Variants in IGF1R observed in about 807,000 individuals in gnomAD.
The protein encoded by IGF1R is insulin like growth factor 1 receptor, also known as insulin-like growth factor 1 receptor.
Under a neutral mutation model 144.6 loss-of-function variants are expected in IGF1R, and 44 were observed. The observed-to-expected ratio is 0.30, with a 90% CI of 0.24 to 0.39. The LOEUF is 0.39. IGF1R is among the 10% of genes least tolerant of loss of function. The pLI, the probability that IGF1R is intolerant of heterozygous loss-of-function variation, is 1.00. For synonymous variants in IGF1R, 795 were observed against 722.8 expected (o/e 1.10, Z -1.60); for missense variants, 1,355 against 1,833.7 (o/e 0.74, Z 4.77).
chr15:98,941,111 G>A (rs891510788), intron 18 of IGF1R, among the ~76,000 whole-genome samples: 13 of 152,340 alleles, frequency 8.5e-5, no homozygotes, highest in South Asian at 6.2e-4. Context: ...CAGTTCTGCC[G>A]CTAATGGGTG....
In IGF1R at chr15:98,650,051, C is replaced by A. The variant is rs543534607; in HGVS notation, c.94+376C>A. ...ACCTCGCCCCTTCCATGCGCAAGAGCCTCTCCGCACACAGCGCTGATCCCC... is the reference window on the plus strand; with the variant it reads ...ACCTCGCCCCTTCCATGCGCAAGAGACTCTCCGCACACAGCGCTGATCCCC... On this transcript the variant is annotated intron_variant, in intron 1 of 20. Coordinates refer to ENST00000650285, the MANE Select transcript of IGF1R (RefSeq NM_000875.5). Among the ~76,000 whole-genome samples the A allele has an allele frequency of 1.3e-3, 197 of 151,512 alleles. 2 individuals carry two copies. The highest frequency in any genetic ancestry group is 6.9e-3 in the Middle Eastern group (2 of 290).
chr15:98,924,425 G>C (rs1486429448), intron 12 of IGF1R, 100 bp from the exon 13 acceptor site: 24 of 1,093,582 alleles, frequency 2.2e-5, no homozygotes, highest in Non-Finnish European at 3.4e-5. Context: ...TGGGAGGTCA[G>C]ATCAGGCAGC....
At chr15:98,769,716 C>T (rs1016912909) in intron 2 of IGF1R, among the ~76,000 whole-genome samples, 11 of 152,180 alleles carry the variant, frequency 7.2e-5, no homozygotes, top group African/African-American at 2.2e-4. Flanking sequence ...TCGACAGTTC[C>T]GTTGTACATT....
intron 2 of IGF1R, among the ~76,000 whole-genome samples, chr15:98,713,645 C>T (rs538749565): frequency 2.6e-5 from 4 of 152,142 alleles, no homozygotes; most frequent in East Asian, 1.9e-4. Context: ...CTGGGAGGGA[C>T]GGAGGTGAAT....
Position 98,944,903 on chromosome 15 carries a change from C to T in IGF1R, c.3587+1851C>T, listed in dbSNP as rs182363464. ...AGCCTCTGTGTGACACCCATTGGAC[C>T]TTCTCTCTGTAGCACAATTGCATAC... is the stretch of plus-strand genomic sequence containing the variant. On this transcript the variant is annotated intron_variant, in intron 19 of 20. Transcript: ENST00000650285. 9.2e-5 allele frequency among the ~76,000 whole-genome samples: 14 copies of T among 152,348 alleles called. No homozygotes were observed. In the East Asian group the frequency reaches 1.9e-3, roughly 21 times the overall value.
chr15:98,662,617 A>G (rs564118201), intron 1 of IGF1R, among the ~76,000 whole-genome samples: 3 of 152,206 alleles, frequency 2.0e-5, no homozygotes, highest in Middle Eastern at 3.4e-3. Flanking sequence ...AAACTCAACT[A>G]CTGGTGGAGA....
intron 2 of IGF1R, among the ~76,000 whole-genome samples, chr15:98,780,634 T>A (rs1037249489): frequency 2.6e-5 from 4 of 151,750 alleles, no homozygotes; most frequent in African/African-American, 9.7e-5. Flanking sequence ...TGGAATTTTT[T>A]AAACTACCTT....
chr15:98,677,002 C>T (rs1320521353), intron 1 of IGF1R, among the ~76,000 whole-genome samples: 1 of 152,058 alleles, frequency 6.6e-6, no homozygotes, highest in Non-Finnish European at 1.5e-5. Context: ...GTGGTGCGGT[C>T]ATGACTCACT....
chr15:98,836,189 T>TTC (rs1555450945), intron 2 of IGF1R, among the ~76,000 whole-genome samples: 1 of 151,916 alleles, frequency 6.6e-6, no homozygotes, highest in Non-Finnish European at 1.5e-5. Flanking sequence ...ATTTTTTTTT[T>TTC]TCTCTCTCTC....
intron 2 of IGF1R, among the ~76,000 whole-genome samples, chr15:98,884,587 G>A (rs1315536137): frequency 6.7e-6 from 1 of 149,588 alleles, no homozygotes; most frequent in African/African-American, 2.5e-5. Flanking sequence ...CCAGCTACAG[G>A]AGAATGGCAA....
chr15:98,877,402 C>A (rs1567173634), intron 2 of IGF1R, among the ~76,000 whole-genome samples: 1 of 151,744 alleles, frequency 6.6e-6, no homozygotes, highest in Non-Finnish European at 1.5e-5. Flanking sequence ...AAAAGATAAT[C>A]CAGCCTCACC....
intron 5 of IGF1R, 94 bp from the exon 6 acceptor site, chr15:98,908,591 C>T: frequency 1.2e-6 from 1 of 805,360 alleles, no homozygotes; most frequent in Non-Finnish European, 2.1e-6. Flanking sequence ...TATTGTGGAG[C>T]AGGTGGCAAA....
intron 2 of IGF1R, among the ~76,000 whole-genome samples, chr15:98,712,697 G>A (rs2054021578): frequency 6.6e-6 from 1 of 151,522 alleles, no homozygotes; most frequent in African/African-American, 2.4e-5. Flanking sequence ...CAACCTCCGG[G>A]CTCCCAGGTT....
intron 2 of IGF1R, among the ~76,000 whole-genome samples, chr15:98,813,005 G>A (rs150373755): frequency 1.4e-4 from 22 of 152,296 alleles, no homozygotes; most frequent in African/African-American, 5.3e-4. Context: ...TGGCTTCTCC[G>A]ATAGTGCTGG....
chr15:98,706,951 G>A (rs1275141921), intron 1 of IGF1R, among the ~76,000 whole-genome samples: 3 of 151,022 alleles, frequency 2.0e-5, no homozygotes, highest in African/African-American at 7.3e-5. Context: ...ATCTTGTTAG[G>A]TTATCCTTTA....
intron 2 of IGF1R, among the ~76,000 whole-genome samples, chr15:98,872,545 A>T (rs748468380): frequency 3.0e-4 from 45 of 152,244 alleles, no homozygotes; most frequent in Non-Finnish European, 4.9e-4. Flanking sequence ...GCTAATGTTT[A>T]AAGAGTACCT....
At chr15:98,763,428 C>T (rs983264405) in intron 2 of IGF1R, among the ~76,000 whole-genome samples, 7 of 150,890 alleles carry the variant, frequency 4.6e-5, no homozygotes, top group East Asian at 1.9e-4. Context: ...CAACAGTCAC[C>T]GTGGTACACC....
intron 2 of IGF1R, among the ~76,000 whole-genome samples, chr15:98,804,491 A>G (rs1273299878): frequency 6.6e-6 from 1 of 152,164 alleles, no homozygotes; most frequent in Non-Finnish European, 1.5e-5. Context: ...TGAAAGAAGG[A>G]CAGTGGTTTG....
intron 2 of IGF1R, among the ~76,000 whole-genome samples, chr15:98,804,651 G>A (rs1007819120): frequency 5.3e-5 from 8 of 152,132 alleles, no homozygotes; most frequent in African/African-American, 1.9e-4. Flanking sequence ...TGCTAAGACC[G>A]TCATCATGGA....
Sources: allele counts gnomAD v4.1 joint callset (sites outside exome capture counted in the v4.1 genomes callset), GRCh38; gene constraint gnomAD v4.1.1; transcripts MANE v1.5; gene names NCBI Gene and HGNC (gene_info 2026-07-23, HGNC 2026-07-21).